The following PCDH9 variants were observed in gnomAD, a reference collection of about 807,000 sequenced individuals.
PCDH9 encodes protocadherin-9.
In PCDH9, 24 loss-of-function variants were observed where a neutral mutation model predicts 70.6. That is an observed-to-expected ratio of 0.34 (90% CI 0.25 to 0.48). PCDH9 has a LOEUF of 0.48. Ranked by LOEUF, PCDH9 falls within the 20% of genes least tolerant of loss-of-function variation. The pLI, the probability that PCDH9 is intolerant of heterozygous loss-of-function variation, is 0.99. For missense variants in PCDH9, 1,281 were observed against 1,503.6 expected (o/e 0.85, Z 2.45); for synonymous variants, 562 against 558.5 (o/e 1.01, Z -0.09).
At chr13:66,776,180 T>C (rs991151204) in intron 3 of PCDH9, among the ~76,000 whole-genome samples, 2 of 151,866 alleles carry the variant, frequency 1.3e-5, no homozygotes, top group Admixed American at 1.3e-4. Context: ...TCATACTGAA[T>C]GGTCAAAAAC....
chr13:66,618,535 TATTA>T (rs2077386328), intron 4 of PCDH9, among the ~76,000 whole-genome samples: 1 of 152,202 alleles, frequency 6.6e-6, no homozygotes, highest in South Asian at 2.1e-4. Flanking sequence ...AAGATAAAGA[TATTA>T]ATTTGATATT....
chr13:67,017,737 T>TA (rs1250669370), intron 2 of PCDH9, among the ~76,000 whole-genome samples: 2 of 152,236 alleles, frequency 1.3e-5, no homozygotes, highest in Non-Finnish European at 1.5e-5. Context: ...TCCAGGAATT[T>TA]AAAAAAATCA....
chr13:67,001,913 G>A (rs1203534069), intron 2 of PCDH9: 1 of 152,186 alleles, frequency 6.6e-6, no homozygotes, highest in Non-Finnish European at 1.5e-5. Context: ...TCAGCTTATT[G>A]ATGTTTCCTC....
intron 2 of PCDH9, among the ~76,000 whole-genome samples, chr13:67,187,838 C>A (rs997314535): frequency 1.3e-5 from 2 of 151,994 alleles, no homozygotes; most frequent in African/African-American, 2.4e-5. Flanking sequence ...TACAAGTGTA[C>A]AATGTATAAC....
intron 3 of PCDH9, among the ~76,000 whole-genome samples, chr13:66,876,590 A>T (rs140908805): frequency 1.4e-4 from 22 of 152,298 alleles, no homozygotes; most frequent in African/African-American, 5.1e-4. Flanking sequence ...TTTTGTAGAC[A>T]TGATCTTCAT....
At chr13:66,984,545 A>G (rs1163810248) in intron 2 of PCDH9, among the ~76,000 whole-genome samples, 2 of 152,080 alleles carry the variant, frequency 1.3e-5, no homozygotes, top group East Asian at 3.8e-4. Context: ...TGGCTTCTTC[A>G]TTTTTAAAAG....
chr13:66,490,204 T>C (rs971633907), intron 4 of PCDH9, among the ~76,000 whole-genome samples: 1 of 152,200 alleles, frequency 6.6e-6, no homozygotes, highest in Non-Finnish European at 1.5e-5. Context: ...TCTAGGGTCA[T>C]AATTAGAGAT....
At chr13:66,643,342 C>T (rs1689284022) in intron 3 of PCDH9, among the ~76,000 whole-genome samples, 1 of 152,004 alleles carries the variant, frequency 6.6e-6, no homozygotes, top group Non-Finnish European at 1.5e-5. Context: ...TTTTATATCT[C>T]TTTTCTCCCG....
intron 4 of PCDH9, among the ~76,000 whole-genome samples, chr13:66,508,673 C>A (rs1959303720): frequency 6.6e-6 from 1 of 151,726 alleles, no homozygotes; most frequent in Non-Finnish European, 1.5e-5. Context: ...TAAAAAAAAA[C>A]AACACCAAAT....
intron 4 of PCDH9, among the ~76,000 whole-genome samples, chr13:66,495,319 C>T (rs897041846): frequency 3.9e-5 from 6 of 152,132 alleles, no homozygotes; most frequent in African/African-American, 1.4e-4. Context: ...ACATTACAGG[C>T]AGGCTTTAAG....
At position 66,390,096 on chromosome 13, in the gene PCDH9, A is replaced by C. The variant is rs574154668; in HGVS notation, c.3341-85068T>G. On this transcript the variant is annotated intron_variant, in intron 4 of 4. Coordinates refer to ENST00000377865, the MANE Select transcript of PCDH9 (RefSeq NM_203487.3). ...GCCTGTTTACATTATTTGATATTAA[A>C]AAATTGCTAATATTTAATCACTGTC... 1.1e-4 allele frequency among the ~76,000 whole-genome samples: 16 copies of C among 152,308 alleles called. No homozygotes were observed. The East Asian group carries it at 3.1e-3, about 29-fold the overall frequency.
chr13:66,345,729 G>T (rs1219070493), intron 4 of PCDH9, among the ~76,000 whole-genome samples: 1 of 152,132 alleles, frequency 6.6e-6, no homozygotes, highest in Admixed American at 6.5e-5. Context: ...CCAGAGATGC[G>T]CCATGTCCAC....
At chr13:66,785,462 C>T (rs1387532277) in intron 3 of PCDH9, among the ~76,000 whole-genome samples, 2 of 151,596 alleles carry the variant, frequency 1.3e-5, no homozygotes, top group Non-Finnish European at 2.9e-5. Context: ...GATAATTTTG[C>T]TTTAATTTGG....
At chr13:67,157,203 T>TATC (rs1319443455) in intron 2 of PCDH9, among the ~76,000 whole-genome samples, 1 of 152,202 alleles carries the variant, frequency 6.6e-6, no homozygotes, top group Non-Finnish European at 1.5e-5. Context: ...ATCTTAACTG[T>TATC]ATCACATAAC....
At chr13:66,500,440 A>AT (rs1177117229) in intron 4 of PCDH9, among the ~76,000 whole-genome samples, 2 of 151,752 alleles carry the variant, frequency 1.3e-5, no homozygotes, top group East Asian at 3.9e-4. Context: ...TTTTTCTTTC[A>AT]TTTTTTTTCT....
rs749923448 is a variant in PCDH9, at chr13:67,227,554, G to A, written c.887C>T (p.Ala296Val). The change falls in exon 2 of 5, where the codon GCC (alanine) becomes GTC (valine). Residue 296 changes from alanine to valine, a missense_variant. Ala to Val is a moderately conservative substitution (Grantham distance 64). Transcript: ENST00000377865. The surrounding 1 kb of genome is among the most constrained non-coding windows in gnomAD (Gnocchi z 4.6). ...EIRYIFGAQV[A>V]PATKRLFALN... is the part of the protein sequence containing the mutation. ...AGCAAAGAGTCTTTTGGTTGCAGGG[G>A]CGACCTGGGCACCAAAAATGTACCG... The A allele has an allele frequency of 3.7e-6, 6 of 1,613,946 alleles. No homozygotes were observed. The highest frequency in any genetic ancestry group is 5.1e-6 in the Non-Finnish European group (6 of 1,179,854).
intron 2 of PCDH9, among the ~76,000 whole-genome samples, chr13:66,998,732 T>TA (rs1241631890): frequency 2.0e-5 from 3 of 152,204 alleles, no homozygotes; most frequent in Non-Finnish European, 2.9e-5. Flanking sequence ...AACCAGCCCT[T>TA]ACACTCAATT....
chr13:66,600,144 C>T lies in PCDH9; in HGVS notation c.3340+31066G>A, dbSNP rs188396827. 1.1e-3 allele frequency among the ~76,000 whole-genome samples: 163 copies of T among 151,908 alleles called. 1 individual carries two copies. Among genetic ancestry groups the T allele is most frequent in the African/African-American group, 3.7e-3 (155 of 41,458 alleles). The stretch of plus-strand genomic sequence containing the variant: ...CCGGAAATAGAATTAAATATCTCCC[C>T]CTGCATCTACTTCTAATGAGTTTAT... On this transcript the variant is annotated intron_variant, in intron 4 of 4. Transcript: ENST00000377865.
intron 2 of PCDH9, among the ~76,000 whole-genome samples, chr13:67,014,628 T>C (rs199690059): frequency 7.6e-6 from 1 of 130,932 alleles, no homozygotes. Context: ...CACACACACA[T>C]AGCCAATCCT....
Sources: allele counts gnomAD v4.1 joint callset (sites outside exome capture counted in the v4.1 genomes callset), GRCh38; gene constraint gnomAD v4.1.1; non-coding constraint Gnocchi (gnomAD v3.1); transcripts MANE v1.5; gene names NCBI Gene and HGNC (gene_info 2026-07-23, HGNC 2026-07-21).